Variants in ANKS3 observed in about 807,000 individuals in gnomAD.
ANKS3 encodes ankyrin repeat and SAM domain-containing protein 3.
In ANKS3, 62 loss-of-function variants were observed where a neutral mutation model predicts 80.7. That is an observed-to-expected ratio of 0.77 (90% CI 0.63 to 0.95). The LOEUF (loss-of-function observed/expected upper bound fraction) is 0.95. ANKS3 is among the 40% of genes least tolerant of loss of function. The probability of loss-of-function intolerance (pLI) is 0.00; values close to 1 mark genes in which losing one functional copy is unlikely to be tolerated. For synonymous variants in ANKS3, 489 were observed against 355.3 expected (o/e 1.38, Z -4.23); for missense variants, 1,150 against 883.6 (o/e 1.30, Z -3.82).
At chr16:4,733,762 C>T (rs1046525852) in intron 1 of ANKS3, among the ~76,000 whole-genome samples, 176 bp downstream of exon 1, 1 of 152,164 alleles carries the variant, frequency 6.6e-6, no homozygotes, top group Non-Finnish European at 1.5e-5. Flanking sequence ...TACGTACCCA[C>T]AAAAATTAAA....
chr16:4,725,821 A>G (rs142074055), intron 5 of ANKS3, among the ~76,000 whole-genome samples: 2,901 of 151,792 alleles, frequency 0.019, 43 homozygotes, highest in Non-Finnish European at 0.03. Context: ...CACCACGCCC[A>G]GCTAATTTTT....
In ANKS3 at chr16:4,698,808, G is replaced by T; in HGVS notation, c.1543C>A (p.Leu515Met). 1 of 1,606,098 alleles carries T rather than the reference G, an allele frequency of 6.2e-7. No homozygotes were observed. The change falls in exon 13 of 18, where the codon CTG becomes ATG. Residue 515 changes from leucine to methionine, a missense_variant. Leu to Met is a conservative substitution (Grantham distance 15). Coordinates refer to ENST00000304283, the MANE Select transcript of ANKS3 (RefSeq NM_133450.4). ...CCCACCCAGCCACTCACCTTGTGCAGCTGGATGGCGAGCTCCTGCATCTCA... is the reference window on the plus strand; with the variant it reads ...CCCACCCAGCCACTCACCTTGTGCATCTGGATGGCGAGCTCCTGCATCTCA... Reference protein sequence around the residue: ...EAEMQELAIQLHKRCEEVEAT... With the variant: ...EAEMQELAIQMHKRCEEVEAT...
intron 4 of ANKS3, 27 bp downstream of exon 4, chr16:4,726,952 C>G (rs1373909951): frequency 6.2e-7 from 1 of 1,613,274 alleles, no homozygotes; most frequent in East Asian, 2.2e-5. Flanking sequence ...CCTCAGGTTT[C>G]TGGGCCTGAG....
chr16:4,710,387 T>G (rs1256508787), intron 7 of ANKS3, among the ~76,000 whole-genome samples: 1 of 152,222 alleles, frequency 6.6e-6, no homozygotes, highest in African/African-American at 2.4e-5. Flanking sequence ...AAATATGTAG[T>G]TATTTTGTGT....
intron 6 of ANKS3, among the ~76,000 whole-genome samples, chr16:4,723,550 A>G (rs999497913): frequency 1.9e-4 from 29 of 152,240 alleles, no homozygotes; most frequent in Middle Eastern, 6.8e-3. Flanking sequence ...AGCCTCCCAA[A>G]GTGTTGGGAT....
intron 10 of ANKS3, 93 bp downstream of exon 10, chr16:4,701,341 C>G (rs2079891316): frequency 7.3e-7 from 1 of 1,376,312 alleles, no homozygotes; most frequent in Non-Finnish European, 9.9e-7. Flanking sequence ...GCAGCTGCTT[C>G]TTACATACAT....
chr16:4,707,265 A>G (rs1369093561), intron 7 of ANKS3, among the ~76,000 whole-genome samples: 1 of 150,226 alleles, frequency 6.7e-6, no homozygotes, highest in Non-Finnish European at 1.5e-5. Flanking sequence ...CACATTAAAT[A>G]TGACACGGAA....
At position 4,698,556 on chromosome 16, in the gene ANKS3, T is replaced by C; in HGVS notation, c.1595A>G (p.Glu532Gly). The C allele has an allele frequency of 1.9e-6, 3 of 1,583,048 alleles. No individual in the cohort carries two copies. The highest frequency in any genetic ancestry group is 2.3e-5 in the East Asian group (1 of 44,068). ...VEATRGQVCQEQELRAVVESC... is the reference protein window; with the variant it reads ...VEATRGQVCQGQELRAVVESC... Reference sequence around the variant, plus strand: ...CTCCACCACGGCGCGCAGCTCCTGCTCCTGACACACCTGGCCCCGCGTGGC... The same window carrying C: ...CTCCACCACGGCGCGCAGCTCCTGCCCCTGACACACCTGGCCCCGCGTGGC... Residue 532 changes from glutamate to glycine, a missense_variant, in exon 14 of 18, where the codon GAG (glutamate) becomes GGG (glycine). By Grantham distance (98) the Glu-to-Gly change is moderately conservative (BLOSUM62 -2). Transcript: ENST00000304283.
chr16:4,727,545 G>T, intron 3 of ANKS3: 1 of 343,792 alleles, frequency 2.9e-6, no homozygotes, highest in Non-Finnish European at 5.6e-6. Flanking sequence ...GGCCAAGGCT[G>T]CCGCTAAACA....
chr16:4,725,156 G>A (rs1028305384), intron 5 of ANKS3: 2 of 206,666 alleles, frequency 9.7e-6, no homozygotes, highest in East Asian at 1.1e-4. Context: ...ATTCCTCACA[G>A]AAAGCCAGCA....
intron 6 of ANKS3, among the ~76,000 whole-genome samples, chr16:4,723,415 G>T (rs143506814): frequency 1.3e-5 from 2 of 152,108 alleles, no homozygotes; most frequent in African/African-American, 4.8e-5. Flanking sequence ...TCACTGAGCC[G>T]AATGTTTTCC....
intron 6 of ANKS3, among the ~76,000 whole-genome samples, chr16:4,718,076 ATTT>A (rs780141955): frequency 6.0e-5 from 8 of 133,698 alleles, no homozygotes; most frequent in Non-Finnish European, 4.8e-5. Context: ...TGCCTGGCCA[ATTT>A]TTTTTTTTTT....
In ANKS3 at chr16:4,698,059, G is replaced by C; in HGVS notation, c.1728C>G (p.Ala576=). The part of the protein sequence containing the change: ...DAALVLDQLR[A]CQAELSSRVR... ...CTCGAGATGACAGCTCAGCTTGACA[G>C]GCTCTGCCAGACACAGAAACAAATA... The change falls in exon 15 of 18, where the codon GCC becomes GCG. Residue 576 remains alanine, a synonymous_variant. Transcript: ENST00000304283. 6.2e-7 allele frequency: 1 copy of C among 1,606,748 alleles called. No homozygotes were observed. Among genetic ancestry groups the C allele is most frequent in the Non-Finnish European group, 8.5e-7 (1 of 1,177,436 alleles).
intron 6 of ANKS3, among the ~76,000 whole-genome samples, chr16:4,722,373 G>C (rs751669340): frequency 1.3e-5 from 2 of 151,788 alleles, no homozygotes; most frequent in Non-Finnish European, 2.9e-5. Context: ...GAGGTCAGGA[G>C]ATCGAGACCA....
intron 7 of ANKS3, among the ~76,000 whole-genome samples, chr16:4,709,681 G>C (rs942202553): frequency 1.3e-5 from 2 of 152,194 alleles, no homozygotes; most frequent in African/African-American, 2.4e-5. Context: ...GCCTGGAAGA[G>C]ACTATGTTCA....
intron 7 of ANKS3, among the ~76,000 whole-genome samples, chr16:4,705,916 T>G (rs2142052860): frequency 6.9e-6 from 1 of 145,076 alleles, no homozygotes; most frequent in Non-Finnish European, 1.5e-5. Flanking sequence ...ATCCCTTCCT[T>G]TGGAAACAAC....
chr16:4,697,104 C>G lies in ANKS3; in HGVS notation c.1895G>C (p.Gly632Ala). The G allele has an allele frequency of 1.2e-6, 2 of 1,613,420 alleles. No individual in the cohort carries two copies. Among genetic ancestry groups the G allele is most frequent in the Non-Finnish European group, 1.7e-6 (2 of 1,179,766 alleles). Residue 632 changes from glycine (G) to alanine (A), a missense_variant and splice_region_variant, in exon 17 of 18, where the codon GGG becomes GCG. Coordinates refer to ENST00000304283, the MANE Select transcript of ANKS3 (RefSeq NM_133450.4). ...GALEDRVREM[G>A]QALCLVTQSL... Reference sequence around the variant, plus strand: ...CTGGGTCACTAAGCACAGTGCTTGCCCTGAGGAATGATGACCTTGAGCCTC... The same window carrying G: ...CTGGGTCACTAAGCACAGTGCTTGCGCTGAGGAATGATGACCTTGAGCCTC...
chr16:4,699,366 C>G, intron 11 of ANKS3, 190 bp from the exon 12 acceptor site: 1 of 739,734 alleles, frequency 1.4e-6, no homozygotes, highest in Non-Finnish European at 2.2e-6. Flanking sequence ...GGTGAGTCCT[C>G]ACACTATGGT....
At chr16:4,724,989 GAA>G in intron 5 of ANKS3, 158 bp from the exon 6 acceptor site, 2 of 591,820 alleles carry the variant, frequency 3.4e-6, no homozygotes, top group Non-Finnish European at 6.0e-6. Context: ...TGAGAACAGT[GAA>G]TATAACACAT....
Sources: gnomAD v4.1 joint callset for allele counts (sites outside exome capture counted in the v4.1 genomes callset) on GRCh38, gnomAD v4.1.1 for gene constraint, MANE v1.5 for transcripts, NCBI Gene and HGNC (gene_info 2026-07-23, HGNC 2026-07-21) for gene names.